The following TTC31 variants were observed in gnomAD, a reference collection of about 807,000 sequenced individuals.
TTC31 encodes tetratricopeptide repeat protein 31.
A neutral mutation model predicts 60.4 loss-of-function variants in TTC31; 59 were observed. That is an observed-to-expected ratio of 0.98 (90% CI 0.79 to 1.21). The LOEUF (loss-of-function observed/expected upper bound fraction) is 1.21. Ranked by LOEUF, TTC31 falls within the 50% of genes most tolerant of loss-of-function variation. The pLI, the probability that TTC31 is intolerant of heterozygous loss-of-function variation, is 0.00. For missense variants in TTC31, 672 were observed against 646.9 expected, an observed-to-expected ratio of 1.04 and a Z score of -0.42; for synonymous variants, 225 against 249.6, an observed-to-expected ratio of 0.90 and a Z score of 0.93.
intron 11 of TTC31, 40 bp downstream of exon 11, chr2:74,492,485 G>A (rs765431542): frequency 1.3e-6 from 2 of 1,526,122 alleles, no homozygotes; most frequent in Admixed American, 4.2e-5. Flanking sequence ...GATTTGAGTG[G>A]GATGGAGTGG....
intron 2 of TTC31, among the ~76,000 whole-genome samples, chr2:74,484,424 G>C (rs144166916): frequency 4.9e-4 from 74 of 151,956 alleles, no homozygotes; most frequent in African/African-American, 1.7e-3. Flanking sequence ...TAGCACAGGG[G>C]TTTGGATGTT....
At chr2:74,491,782 G>C in intron 8 of TTC31, 110 bp downstream of exon 8, 1 of 1,450,218 alleles carries the variant, frequency 6.9e-7, no homozygotes, top group South Asian at 1.2e-5. Context: ...GGAGTTCTCT[G>C]GCTCTAGGGT....
intron 1 of TTC31, 67 bp from the exon 2 acceptor site, chr2:74,483,255 G>C: frequency 6.2e-7 from 1 of 1,613,010 alleles, no homozygotes; most frequent in Non-Finnish European, 8.5e-7. Context: ...GTCGAGGGTA[G>C]AGTGGGGAGG....
Position 74,493,273 on chromosome 2 carries a change from CAT to C in TTC31, c.*57_*58del, listed in dbSNP as rs1674157355. On this transcript the variant is annotated 3_prime_UTR_variant, in exon 13 of 13. Coordinates refer to ENST00000233623, the MANE Select transcript of TTC31 (RefSeq NM_022492.6). ...CATGTATATATCCCTTGGTGGGGGA[CAT>C]AGTGTGGTGACAGTTCACTGCATAT... The C allele has an allele frequency of 1.3e-6, 2 of 1,551,758 alleles. No homozygotes were observed. Among genetic ancestry groups the C allele is most frequent in the Non-Finnish European group, 1.8e-6 (2 of 1,132,230 alleles).
intron 2 of TTC31, among the ~76,000 whole-genome samples, chr2:74,487,191 G>GACC (rs1391967593): frequency 6.6e-6 from 1 of 152,188 alleles, no homozygotes; most frequent in African/African-American, 2.4e-5. Flanking sequence ...GTGGTTTGGG[G>GACC]ACAGGTAGTA....
chr2:74,491,941 AAGG>A, intron 8 of TTC31, 60 bp from the exon 9 acceptor site: 1 of 1,612,572 alleles, frequency 6.2e-7, no homozygotes, highest in South Asian at 1.1e-5. Context: ...TGTTTAAACA[AAGG>A]AGAAGGATTT....
At chr2:74,489,408 G>A (rs1188369549) in intron 2 of TTC31, among the ~76,000 whole-genome samples, 3 of 152,130 alleles carry the variant, frequency 2.0e-5, no homozygotes, top group Non-Finnish European at 4.4e-5. Flanking sequence ...AAGCAGGGGA[G>A]GATTAAAAGG....
In TTC31 at chr2:74,492,144, G is replaced by T; in HGVS notation, c.934G>T (p.Gly312Cys). 6.2e-7 allele frequency: 1 copy of T among 1,614,182 alleles called. No individual in the cohort carries two copies. Among genetic ancestry groups the T allele is most frequent in the Non-Finnish European group, 8.5e-7 (1 of 1,180,038 alleles). Residue 312 changes from glycine (G) to cysteine (C), a missense_variant, in exon 10 of 13, where the codon GGT (glycine) becomes TGT (cysteine). Transcript: ENST00000233623. ...TCACCCTCTTTCCTTTCCAGAGTTG[G>T]GTACCAGCTTTGCTCAAAATGGTTT... ...LQQSQELAKL[G>C]TSFAQNGFYH...
Position 74,493,345 on chromosome 2 carries a change from A to T in TTC31, c.*127A>T, listed in dbSNP as rs1572969123. On this transcript the variant is annotated 3_prime_UTR_variant, in exon 13 of 13. Coordinates refer to ENST00000233623, the MANE Select transcript of TTC31 (RefSeq NM_022492.6). ...GATCCATAGTTAATGATGCCCTGGC[A>T]GTCATTCCTCTTGCCATGGGGAAGC... The T allele has an allele frequency of 5.0e-6, 5 of 1,008,804 alleles. No homozygotes were observed. Among genetic ancestry groups the T allele is most frequent in the Non-Finnish European group, 7.1e-6 (5 of 708,956 alleles). 62.5% of individuals were successfully genotyped at this position (1,008,804 alleles called of 1,614,324 possible).
At chr2:74,483,593 G>A in intron 2 of TTC31, 183 bp downstream of exon 2, 1 of 1,467,886 alleles carries the variant, frequency 6.8e-7, no homozygotes, top group Non-Finnish European at 9.0e-7. Context: ...TCAGGAGGAT[G>A]ATCCTGATGT....
chr2:74,493,601 T>G lies in TTC31; in HGVS notation c.*383T>G, dbSNP rs1026999344. ...TAGAGCTTGGTGTACAGGAACGGGG[T>G]CACAGTGCTGAGGGGGCTTGAGTCC... On this transcript the variant is annotated 3_prime_UTR_variant, in exon 13 of 13. Coordinates refer to ENST00000233623, the MANE Select transcript of TTC31 (RefSeq NM_022492.6). The G allele has an allele frequency of 5.5e-6, 1 of 180,762 alleles. No individual in the cohort carries two copies. The highest frequency in any genetic ancestry group is 1.2e-5 in the Non-Finnish European group (1 of 86,296). The allele number at this position is 180,762 out of a possible 1,614,324, so 11.2% of individuals were successfully genotyped here.
intron 2 of TTC31, chr2:74,483,850 T>TG (rs1241126112): frequency 4.9e-6 from 1 of 202,896 alleles, no homozygotes; most frequent in Non-Finnish European, 1.0e-5. Context: ...GCGTGGTGGG[T>TG]GGGGGATCTC....
At position 74,491,677 on chromosome 2, in the gene TTC31, G is replaced by T; in HGVS notation, c.876+5G>T. 1 of 1,613,770 alleles carries T rather than the reference G, an allele frequency of 6.2e-7. No homozygotes were observed. The highest frequency in any genetic ancestry group is 8.5e-7 in the Non-Finnish European group (1 of 1,179,812). ...CAGCAGAGTCCAAAGGTACAGGTGA[G>T]GTGGCTGAAGAACCTTATTCAGCTG... On this transcript the variant is annotated splice_donor_5th_base_variant and intron_variant, in intron 8 of 12. Coordinates refer to ENST00000233623, the MANE Select transcript of TTC31 (RefSeq NM_022492.6).
Position 74,491,172 on chromosome 2 carries a change from T to C in TTC31, c.591T>C (p.Cys197=). The change falls in exon 6 of 13, where the codon TGT becomes TGC. Residue 197 remains cysteine (C), a synonymous_variant. Coordinates refer to ENST00000233623, the MANE Select transcript of TTC31 (RefSeq NM_022492.6). ...RKRQERLEQY[C]GEPKASTTSD... ...GACAGGAGCGTTTGGAGCAGTACTG[T>C]GGGGAGCCCAAGGTGAGTATCTAGG... 1 of 1,614,150 alleles carries C rather than the reference T, an allele frequency of 6.2e-7. No individual in the cohort carries two copies. Among genetic ancestry groups the C allele is most frequent in the Non-Finnish European group, 8.5e-7 (1 of 1,180,018 alleles).
At chr2:74,485,573 T>G (rs2104115473) in intron 2 of TTC31, among the ~76,000 whole-genome samples, 1 of 150,162 alleles carries the variant, frequency 6.7e-6, no homozygotes, top group Admixed American at 6.7e-5. Flanking sequence ...CGGGTTCAAG[T>G]GATTCTCCTG....
At chr2:74,492,086 C>A (rs926238492) in intron 9 of TTC31, 31 bp downstream of exon 9, 1 of 1,614,132 alleles carries the variant, frequency 6.2e-7, no homozygotes, top group Non-Finnish European at 8.5e-7. Context: ...GTCCTCACCC[C>A]ACCCTCCCTG....
rs775377929 is a variant in TTC31, at chr2:74,483,131, G to C, written c.36G>C (p.Lys12Asn). ...APIPKTVGRI[K>N]LDCSLRPSCP... ...TTCCAAAGACTGTGGGGCGGATCAA[G>C]CTAGGTGAGCGGTATGACAAGACCA... The change falls in exon 1 of 13, where the codon AAG becomes AAC. Residue 12 changes from lysine to asparagine, a missense_variant. Physicochemically the swap from Lys to Asn is moderately conservative, Grantham distance 94. Coordinates refer to ENST00000233623, the MANE Select transcript of TTC31 (RefSeq NM_022492.6). The C allele has an allele frequency of 3.7e-6, 6 of 1,614,130 alleles. No individual in the cohort carries two copies. In the African/African-American group the frequency reaches 8.0e-5, roughly 22 times the overall value.
intron 2 of TTC31, among the ~76,000 whole-genome samples, chr2:74,484,615 G>A (rs1672869543): frequency 6.6e-6 from 1 of 151,852 alleles, no homozygotes; most frequent in South Asian, 2.1e-4. Context: ...CATGCCACCA[G>A]TCCCAGCTAA....
chr2:74,483,763 G>A (rs958954133), intron 2 of TTC31: 1 of 430,628 alleles, frequency 2.3e-6, no homozygotes, highest in Admixed American at 3.9e-5. Context: ...GATTGCTTGA[G>A]CCCAGGAGTT....
Sources: gnomAD v4.1 joint callset for allele counts (sites outside exome capture counted in the v4.1 genomes callset) on GRCh38, gnomAD v4.1.1 for gene constraint, MANE v1.5 for transcripts, NCBI Gene and HGNC (gene_info 2026-07-23, HGNC 2026-07-21) for gene names.